The following PCSK9 variants were observed in gnomAD, a reference collection of about 807,000 sequenced individuals.
PCSK9 encodes convertase subtilisin/kexin type 9 preproprotein.
A neutral mutation model predicts 62.1 loss-of-function variants in PCSK9; 57 were observed. The observed-to-expected ratio is 0.92, with a 90% CI of 0.74 to 1.14. PCSK9 has a LOEUF of 1.14. Ranked by LOEUF, PCSK9 falls within the 50% of genes most tolerant of loss-of-function variation. PCSK9 has a pLI of 0.00. For synonymous variants in PCSK9, 387 were observed against 409.4 expected (o/e 0.95, Z 0.66); for missense variants, 870 against 959.8 (o/e 0.91, Z 1.24).
In PCSK9 at chr1:55,063,707, G is replaced by C; in HGVS notation, c.*123G>C. On this transcript the variant is annotated 3_prime_UTR_variant, in exon 12 of 12. Coordinates refer to ENST00000302118, the MANE Select transcript of PCSK9 (RefSeq NM_174936.4). ...GGCACGAGGGGATGGGGATGCTTCC[G>C]CCTTTCCGGGGCTGCTGGCCTGGCC... is the stretch of plus-strand genomic sequence containing the variant. 8.4e-7 allele frequency: 1 copy of C among 1,186,126 alleles called. No homozygotes were observed. The highest frequency in any genetic ancestry group is 2.5e-5 in the Admixed American group (1 of 40,798). 73.5% of individuals were successfully genotyped at this position (1,186,126 alleles called of 1,614,324 possible).
intron 3 of PCSK9, chr1:55,051,136 C>A: frequency 2.2e-6 from 1 of 456,268 alleles, no homozygotes; most frequent in South Asian, 1.5e-5. Flanking sequence ...TGGGTACACG[C>A]CCTGAGCCTC....
intron 5 of PCSK9, 137 bp downstream of exon 5, chr1:55,052,928 G>A: frequency 6.9e-7 from 1 of 1,448,632 alleles, no homozygotes; most frequent in Non-Finnish European, 9.4e-7. Flanking sequence ...CAGAGAACCA[G>A]AGTGCCAAGG....
intron 11 of PCSK9, among the ~76,000 whole-genome samples, chr1:55,062,936 C>T (rs938815492): frequency 4.7e-5 from 7 of 148,710 alleles, no homozygotes; most frequent in South Asian, 2.2e-4. Flanking sequence ...GGCGTTGGGG[C>T]GGGGCTCAGG....
Position 55,058,648 on chromosome 1 carries a change from G to T in PCSK9, c.1503+1G>T, listed in dbSNP as rs1173867525. On this transcript the variant is annotated splice_donor_variant, in intron 9 of 11. Transcript: ENST00000302118. LOFTEE classifies it high-confidence loss of function. ...GAAGCGGCGGGGCGAGCGCATGGAG[G>T]TGACTGTACCCCTCCTTCGTGTGTG... 6.2e-7 allele frequency: 1 copy of T among 1,608,592 alleles called. No homozygotes were observed. The highest frequency in any genetic ancestry group is 2.2e-5 in the East Asian group (1 of 44,642).
intron 7 of PCSK9, among the ~76,000 whole-genome samples, 167 bp downstream of exon 7, chr1:55,057,681 A>G (rs1278498264): frequency 6.6e-6 from 1 of 152,178 alleles, no homozygotes; most frequent in African/African-American, 2.4e-5. Flanking sequence ...AGGCGAGTGC[A>G]CAGAGGAAAC....
chr1:55,056,062 C>T lies in PCSK9; in HGVS notation c.869C>T (p.Ala290Val), dbSNP rs1354172136. The T allele has an allele frequency of 6.2e-7, 1 of 1,605,948 alleles. No homozygotes were observed. The highest frequency in any genetic ancestry group is 8.5e-7 in the Non-Finnish European group (1 of 1,175,304). The change falls in exon 6 of 12, where the codon GCG becomes GTG. Residue 290 changes from alanine to valine, a missense_variant. Coordinates refer to ENST00000302118, the MANE Select transcript of PCSK9 (RefSeq NM_174936.4). ...VGPLVVLLPL[A>V]GGYSRVLNAA... ...CCACTGGTGGTGCTGCTGCCCCTGGCGGGTGGGTACAGCCGCGTCCTCAAC... is the reference window on the plus strand; with the variant it reads ...CCACTGGTGGTGCTGCTGCCCCTGGTGGGTGGGTACAGCCGCGTCCTCAAC...
chr1:55,058,310 A>G, intron 8 of PCSK9, 101 bp downstream of exon 8: 1 of 1,497,096 alleles, frequency 6.7e-7, no homozygotes, highest in East Asian at 2.4e-5. Flanking sequence ...AAGGAGGATG[A>G]CGCCACCTTA....
At chr1:55,050,654 G>A (rs1486707493) in intron 3 of PCSK9, among the ~76,000 whole-genome samples, 1 of 152,140 alleles carries the variant, frequency 6.6e-6, no homozygotes, top group Non-Finnish European at 1.5e-5. Flanking sequence ...TGCAGGCTGG[G>A]GACTCACAGT....
chr1:55,059,383 C>A lies in PCSK9; in HGVS notation c.1504-103C>A, dbSNP rs1325411743. On this transcript the variant is annotated intron_variant, in intron 9 of 11. Transcript: ENST00000302118. ...AAGGCTGGGTCTGGCTGGCCCCTGG[C>A]AGGGACACTGATGAGGGTGCTTGAG... is the stretch of plus-strand genomic sequence containing the variant. 8 of 1,431,136 alleles carry A rather than the reference C, an allele frequency of 5.6e-6. No individual in the cohort carries two copies. The Admixed American group carries it at 1.2e-4, about 21-fold the overall frequency. 88.7% of individuals were successfully genotyped at this position (1,431,136 alleles called of 1,614,324 possible).
chr1:55,057,042 G>C (rs1472372866), intron 6 of PCSK9, among the ~76,000 whole-genome samples: 1 of 140,982 alleles, frequency 7.1e-6, no homozygotes, highest in Non-Finnish European at 1.5e-5. Context: ...GTGGCACTTA[G>C]AACCACTTGA....
rs111976283 is a variant in PCSK9, at chr1:55,059,008, A to G, written c.1503+361A>G. 4.5e-3 allele frequency among the ~76,000 whole-genome samples: 681 copies of G among 152,328 alleles called. 7 individuals are homozygous for G. The highest frequency in any genetic ancestry group is 0.015 in the African/African-American group (630 of 41,584). On this transcript the variant is annotated intron_variant, in intron 9 of 11. Transcript: ENST00000302118. ...TAGGCCCCTCTCACTCAGGTGCTCCATGGTTCTGGGAGCTGAGAAATCTCA... is the reference window on the plus strand; with the variant it reads ...TAGGCCCCTCTCACTCAGGTGCTCCGTGGTTCTGGGAGCTGAGAAATCTCA...
At chr1:55,059,446 C>A (rs1215405058) in intron 9 of PCSK9, 40 bp from the exon 10 acceptor site, 2 of 1,549,360 alleles carry the variant, frequency 1.3e-6, no homozygotes, top group South Asian at 2.4e-5. Context: ...TTTCAAAGCC[C>A]ATTCTAAAGC....
rs28385710 is a variant in PCSK9, at chr1:55,052,745, C to T, written c.753C>T (p.Arg251=). ...AGGGTGCCAGCATGCGCAGCCTGCG[C>T]GTGCTCAACTGCCAAGGGAAGGGCA... is the stretch of plus-strand genomic sequence containing the variant. ...VAKGASMRSL[R]VLNCQGKGTV... is the part of the protein sequence containing the mutation. The change falls in exon 5 of 12, where the codon CGC becomes CGT. Residue 251 remains arginine, a synonymous_variant. Transcript: ENST00000302118. 3.2e-3 allele frequency: 5,178 copies of T among 1,613,204 alleles called. 32 individuals carry two copies. Among genetic ancestry groups the T allele is most frequent in the South Asian group, 0.018 (1,664 of 91,090 alleles).
rs780214893 is a variant in PCSK9, at chr1:55,063,481, G to A, written c.1976G>A (p.Arg659Gln). The A allele has an allele frequency of 6.8e-6, 11 of 1,613,826 alleles. No homozygotes were observed. Among genetic ancestry groups the A allele is most frequent in the South Asian group, 1.1e-5 (1 of 91,064 alleles). Residue 659 changes from arginine to glutamine, a missense_variant, in exon 12 of 12, where the codon CGG becomes CAG. Arg to Gln is a conservative substitution (Grantham distance 43). Transcript: ENST00000302118. ...GACAACACGTGTGTAGTCAGGAGCC[G>A]GGACGTCAGCACTACAGGCAGCACC... ...AVDNTCVVRS[R>Q]DVSTTGSTSE...
At chr1:55,044,260 G>A (rs1306944900) in intron 2 of PCSK9, among the ~76,000 whole-genome samples, 1 of 152,196 alleles carries the variant, frequency 6.6e-6, no homozygotes, top group Non-Finnish European at 1.5e-5. Context: ...TGAAAGACGA[G>A]GAGACTGAAG....
In PCSK9 at chr1:55,039,808, G is replaced by A. The variant is rs749032401; in HGVS notation, c.-30G>A. On this transcript the variant is annotated 5_prime_UTR_variant, in exon 1 of 12. Coordinates refer to ENST00000302118, the MANE Select transcript of PCSK9 (RefSeq NM_174936.4). Reference sequence around the variant, plus strand: ...CCGCGCACGGCCTCTAGGTCTCCTCGCCAGGACAGCAACCTCTCCCCTGGC... The same window carrying A: ...CCGCGCACGGCCTCTAGGTCTCCTCACCAGGACAGCAACCTCTCCCCTGGC... 6.4e-7 allele frequency: 1 copy of A among 1,569,166 alleles called. No homozygotes were observed. Among genetic ancestry groups the A allele is most frequent in the Non-Finnish European group, 8.6e-7 (1 of 1,158,256 alleles).
chr1:55,052,613 G>T, intron 4 of PCSK9, 37 bp from the exon 5 acceptor site: 1 of 1,610,858 alleles, frequency 6.2e-7, no homozygotes, highest in East Asian at 2.2e-5. Context: ...GGTGGAGGGG[G>T]GGTCTTTCTC....
chr1:55,046,325 G>A (rs1482294501), intron 2 of PCSK9, among the ~76,000 whole-genome samples, 198 bp from the exon 3 acceptor site: 1 of 152,210 alleles, frequency 6.6e-6, no homozygotes, highest in Non-Finnish European at 1.5e-5. Flanking sequence ...ATATGGGAGT[G>A]CTGGGCTCCC....
In PCSK9 at chr1:55,052,614, G is replaced by A. The variant is rs11800265; in HGVS notation, c.658-36G>A. On this transcript the variant is annotated intron_variant, in intron 4 of 11. Coordinates refer to ENST00000302118, the MANE Select transcript of PCSK9 (RefSeq NM_174936.4). Reference sequence around the variant, plus strand: ...CTGATTTGTTATAGGGTGGAGGGGGGGTCTTTCTCATGTGGTCCTTGTGTT... The same window carrying A: ...CTGATTTGTTATAGGGTGGAGGGGGAGTCTTTCTCATGTGGTCCTTGTGTT... The A allele has an allele frequency of 0.042, 68,307 of 1,610,610 alleles. 1,652 individuals carry two copies. The highest frequency in any genetic ancestry group is 0.13 in the Middle Eastern group (759 of 6,046).
Sources: gnomAD v4.1 joint callset for allele counts (sites outside exome capture counted in the v4.1 genomes callset) on GRCh38, gnomAD v4.1.1 for gene constraint, MANE v1.5 for transcripts, NCBI Gene and HGNC (gene_info 2026-07-23, HGNC 2026-07-21) for gene names.